TASP1: variants seen among roughly 807,000 people sequenced by gnomAD.
TASP1 encodes taspase 1, also known as threonine aspartase 1.
In TASP1, 16 loss-of-function variants were observed where a neutral mutation model predicts 56.6. The ratio of observed to expected loss-of-function variants is 0.28; its 90% CI spans 0.19 to 0.43. The LOEUF (loss-of-function observed/expected upper bound fraction) is 0.43. TASP1 is among the 20% of genes least tolerant of loss of function. The probability of loss-of-function intolerance (pLI) is 1.00; values close to 1 mark genes in which losing one functional copy is unlikely to be tolerated. For synonymous variants in TASP1, 179 were observed against 184.2 expected (o/e 0.97, Z 0.23); for missense variants, 393 against 511.6 (o/e 0.77, Z 2.24).
intron 4 of TASP1, among the ~76,000 whole-genome samples, chr20:13,599,266 T>C (rs1480887623): frequency 1.3e-5 from 2 of 152,150 alleles, no homozygotes; most frequent in African/African-American, 4.8e-5. Context: ...TAGCAAAGAC[T>C]TGGAACCAAC....
intron 11 of TASP1, among the ~76,000 whole-genome samples, chr20:13,468,387 T>G (rs1360180556): frequency 6.6e-6 from 1 of 152,148 alleles, no homozygotes; most frequent in Admixed American, 6.6e-5. Flanking sequence ...CATAAAATGT[T>G]AAGAATAACA....
At chr20:13,368,693 G>A in the TASP1 span, 1 of 152,322 alleles carries the variant, frequency 6.6e-6, no homozygotes, top group South Asian at 2.1e-4. Context: ...GGAACTGTCA[G>A]TGAATGATGC....
At chr20:13,222,794 A>T in the TASP1 span, among the ~76,000 whole-genome samples, 1 of 152,202 alleles carries the variant, frequency 6.6e-6, no homozygotes, top group Non-Finnish European at 1.5e-5. Context: ...TAGGGGTGGG[A>T]CAACTGTAAA....
At chr20:13,122,370 A>T in the TASP1 span, among the ~76,000 whole-genome samples, 1 of 152,240 alleles carries the variant, frequency 6.6e-6, no homozygotes, top group Non-Finnish European at 1.5e-5. Context: ...AAAGAGGAAC[A>T]GTCTCTGGGT....
intron 11 of TASP1, among the ~76,000 whole-genome samples, chr20:13,464,251 G>C (rs1486220620): frequency 6.6e-6 from 1 of 152,136 alleles, no homozygotes; most frequent in South Asian, 2.1e-4. Context: ...ATCCAACATG[G>C]CTTGTGTCAT....
chr20:13,526,409 A>G (rs1357926011), intron 10 of TASP1, among the ~76,000 whole-genome samples: 2 of 152,158 alleles, frequency 1.3e-5, no homozygotes, highest in Non-Finnish European at 2.9e-5. Context: ...GCTTTGTTCA[A>G]GTACTACAAT....
At chr20:13,616,569 G>A (rs1369166799) in intron 4 of TASP1, among the ~76,000 whole-genome samples, 1 of 151,862 alleles carries the variant, frequency 6.6e-6, no homozygotes, top group African/African-American at 2.4e-5. Context: ...TTGGTCAAAA[G>A]CTAACACCGG....
chr20:13,540,606 C>T (rs1418866128), intron 8 of TASP1, among the ~76,000 whole-genome samples: 1 of 152,156 alleles, frequency 6.6e-6, no homozygotes, highest in Non-Finnish European at 1.5e-5. Context: ...ATCTTTCAGA[C>T]ATATGCTGAG....
At chr20:13,344,671 G>A in the TASP1 span, among the ~76,000 whole-genome samples, 1 of 152,170 alleles carries the variant, frequency 6.6e-6, no homozygotes, top group Non-Finnish European at 1.5e-5. Context: ...TCAATATGAA[G>A]CGTGAGGCAG....
chr20:13,167,197 T>A, the TASP1 span: 5 of 152,130 alleles, frequency 3.3e-5, no homozygotes, highest in Non-Finnish European at 1.5e-5. Flanking sequence ...ATAATGAGAT[T>A]TTTAATTTTT....
intron 2 of TASP1, among the ~76,000 whole-genome samples, chr20:13,627,320 C>G (rs1408064329): frequency 6.6e-6 from 1 of 152,204 alleles, no homozygotes; most frequent in Non-Finnish European, 1.5e-5. Flanking sequence ...TAATCAATCA[C>G]TCTTTCTAAT....
chr20:13,229,174 T>C, the TASP1 span, among the ~76,000 whole-genome samples: 1 of 152,116 alleles, frequency 6.6e-6, no homozygotes, highest in Non-Finnish European at 1.5e-5. Flanking sequence ...TAAAGTTTTT[T>C]AAAACTACAT....
chr20:13,292,914 G>A, the TASP1 span, among the ~76,000 whole-genome samples: 3 of 152,160 alleles, frequency 2.0e-5, no homozygotes, highest in South Asian at 2.1e-4. Context: ...TTTATACACC[G>A]GGCCAGGCGC....
At chr20:13,576,499 C>T (rs2046933317) in intron 6 of TASP1, among the ~76,000 whole-genome samples, 1 of 151,998 alleles carries the variant, frequency 6.6e-6, no homozygotes, top group African/African-American at 2.4e-5. Flanking sequence ...TTTCTATATA[C>T]TGACAATGAA....
chr20:13,291,528 A>C, the TASP1 span, among the ~76,000 whole-genome samples: 4 of 152,346 alleles, frequency 2.6e-5, no homozygotes, highest in South Asian at 8.3e-4. Context: ...GCTCACCAGC[A>C]AATGTTACCA....
the TASP1 span, among the ~76,000 whole-genome samples, chr20:13,291,805 A>C: frequency 2.6e-5 from 4 of 152,188 alleles, no homozygotes; most frequent in African/African-American, 9.7e-5. Context: ...AGCTAGACAA[A>C]TATTCAAGGG....
At chr20:13,503,172 G>C (rs538040052) in intron 10 of TASP1, among the ~76,000 whole-genome samples, 1 of 152,044 alleles carries the variant, frequency 6.6e-6, no homozygotes, top group African/African-American at 2.4e-5. Context: ...GACTCCTTCA[G>C]AAAGCCTGCA....
the TASP1 span, among the ~76,000 whole-genome samples, chr20:13,328,824 G>C: frequency 4.0e-5 from 6 of 150,258 alleles, no homozygotes; most frequent in African/African-American, 1.5e-4. Flanking sequence ...GGGAGGGAGA[G>C]CATCAGGAAG....
intron 4 of TASP1, among the ~76,000 whole-genome samples, chr20:13,604,766 G>A (rs6042240): frequency 0.4 from 61,031 of 151,738 alleles, 12,955 homozygotes; most frequent in East Asian, 0.55. Flanking sequence ...TTAAAAGATT[G>A]ACAAAACTAA....
Sources: gnomAD v4.1 joint callset for allele counts (sites outside exome capture counted in the v4.1 genomes callset) on GRCh38, gnomAD v4.1.1 for gene constraint, MANE v1.5 for transcripts, NCBI Gene and HGNC (gene_info 2026-07-23, HGNC 2026-07-21) for gene names.